Variants in SYNE1 observed in about 807,000 individuals in gnomAD.
SYNE1 encodes nesprin-1.
In SYNE1, 616 loss-of-function variants were observed where a neutral mutation model predicts 1,111.0. That is an observed-to-expected ratio of 0.55 (90% CI 0.52 to 0.59). SYNE1 has a LOEUF of 0.59. Among genes scored for constraint, SYNE1 ranks in the 20% least tolerant of loss-of-function variants. SYNE1 has a pLI of 0.00. For missense variants in SYNE1, 10,006 were observed against 10,417.0 expected, an observed-to-expected ratio of 0.96 and a Z score of 1.72; for synonymous variants, 3,855 against 3,825.8, an observed-to-expected ratio of 1.01 and a Z score of -0.28.
In SYNE1 at chr6:152,530,920, G is replaced by A. The variant is rs369556310; in HGVS notation, c.130-4745C>T. Among the ~76,000 whole-genome samples the A allele has an allele frequency of 4.8e-4, 73 of 152,116 alleles. 1 individual carries two copies. The highest frequency in any genetic ancestry group is 4.3e-3 in the East Asian group (22 of 5,146). On this transcript the variant is annotated intron_variant, in intron 4 of 145. Coordinates refer to ENST00000367255, the MANE Select transcript of SYNE1 (RefSeq NM_182961.4). ...TTACAGGCGTGAGCCACCACATCCC[G>A]CCGTGTGATGAAATCTTAAGCTGTC...
At chr6:152,156,703 T>C (rs1475537291) in intron 131 of SYNE1, among the ~76,000 whole-genome samples, 1 of 152,228 alleles carries the variant, frequency 6.6e-6, no homozygotes, top group Non-Finnish European at 1.5e-5. Context: ...AGATGCAAAT[T>C]GTTTTCCAAA....
intron 3 of SYNE1, among the ~76,000 whole-genome samples, chr6:152,605,859 A>C (rs1188576154): frequency 6.6e-6 from 1 of 152,152 alleles, no homozygotes; most frequent in Non-Finnish European, 1.5e-5. Context: ...GTATGTGTTC[A>C]TTAGAGTATT....
intron 4 of SYNE1, among the ~76,000 whole-genome samples, chr6:152,533,796 C>T: frequency 6.6e-6 from 1 of 152,226 alleles, no homozygotes; most frequent in Middle Eastern, 3.4e-3. Flanking sequence ...ACATTTTCAG[C>T]ACCTAGAATA....
intron 3 of SYNE1, among the ~76,000 whole-genome samples, chr6:152,588,213 T>A (rs1299886482): frequency 1.3e-5 from 2 of 152,070 alleles, no homozygotes; most frequent in Non-Finnish European, 2.9e-5. Context: ...TGGGCAGCAG[T>A]GAATAAAACA....
In SYNE1 at chr6:152,594,666, C is replaced by T. The variant is rs970245479; in HGVS notation, c.67+33599G>A. 2.0e-5 allele frequency among the ~76,000 whole-genome samples: 3 copies of T among 152,134 alleles called. No homozygotes were observed. The East Asian group carries it at 5.8e-4, about 29-fold the overall frequency. On this transcript the variant is annotated intron_variant, in intron 3 of 145. Transcript: ENST00000367255. Reference sequence around the variant, plus strand: ...ACAATTCATTAAAATAAATACGTCCCTTGATGTCACATCTCCCTCCAGCTA... The same window carrying T: ...ACAATTCATTAAAATAAATACGTCCTTTGATGTCACATCTCCCTCCAGCTA...
intron 106 of SYNE1, 48 bp from the exon 107 acceptor site, chr6:152,242,488 AC>A: frequency 6.2e-7 from 1 of 1,604,926 alleles, no homozygotes; most frequent in Non-Finnish European, 8.5e-7. Flanking sequence ...TATTCTGGCA[AC>A]CCTCTAAAAG....
chr6:152,364,686 G>GAGGAAGGAGGAAGGAAGGA (rs2097022658), intron 63 of SYNE1, among the ~76,000 whole-genome samples, 161 bp downstream of exon 63: 2 of 108,070 alleles, frequency 1.9e-5, no homozygotes, highest in South Asian at 3.5e-4. Flanking sequence ...AAGGAGGAAG[G>GAGGAAGGAGGAAGGAAGGA]AGGAAGGAAG....
chr6:152,460,768 C>CCTAGTTCT (rs2098727599), intron 21 of SYNE1, among the ~76,000 whole-genome samples: 1 of 149,656 alleles, frequency 6.7e-6, no homozygotes, highest in African/African-American at 2.5e-5. Flanking sequence ...CATCTAGTTC[C>CCTAGTTCT]CTGTACAGAA....
intron 9 of SYNE1, among the ~76,000 whole-genome samples, chr6:152,503,052 G>C (rs531608750): frequency 6.6e-6 from 1 of 152,230 alleles, no homozygotes; most frequent in East Asian, 1.9e-4. Flanking sequence ...GATACGGTAT[G>C]ATTCCTCATA....
intron 4 of SYNE1, among the ~76,000 whole-genome samples, chr6:152,529,530 TG>T (rs940646860): frequency 9.3e-4 from 142 of 152,178 alleles, no homozygotes; most frequent in Non-Finnish European, 1.8e-3. Flanking sequence ...GTCAGTGTGT[TG>T]GGGGCTCCCA....
chr6:152,197,244 A>AT lies in SYNE1; in HGVS notation c.23145+4579dup, dbSNP rs1450757428. Reference sequence around the variant, plus strand: ...ATCAGGTAATGTGATTGCTCACCTGATTTTTTATTCTTATGAAGGCGCTTT... The same window carrying AT: ...ATCAGGTAATGTGATTGCTCACCTGATTTTTTTATTCTTATGAAGGCGCTTT... On this transcript the variant is annotated intron_variant, in intron 127 of 145. Coordinates refer to ENST00000367255, the MANE Select transcript of SYNE1 (RefSeq NM_182961.4). 2.6e-5 allele frequency among the ~76,000 whole-genome samples: 4 copies of AT among 152,214 alleles called. No homozygotes were observed. In the East Asian group the frequency reaches 7.7e-4, roughly 29 times the overall value.
chr6:152,245,933 G>C (rs2086994406), intron 105 of SYNE1, among the ~76,000 whole-genome samples: 1 of 152,156 alleles, frequency 6.6e-6, no homozygotes, highest in Non-Finnish European at 1.5e-5. Context: ...GTGCTTGACT[G>C]AAAGCAAGGG....
chr6:152,191,235 T>C (rs1353091825), intron 127 of SYNE1, among the ~76,000 whole-genome samples: 1 of 33,158 alleles, frequency 3.0e-5, no homozygotes, highest in African/African-American at 3.6e-4. Flanking sequence ...TAATTTTCCT[T>C]TTTTTTTTTT....
chr6:152,500,814 G>A (rs1323079300), intron 10 of SYNE1, among the ~76,000 whole-genome samples: 2 of 151,928 alleles, frequency 1.3e-5, no homozygotes, highest in Non-Finnish European at 2.9e-5. Flanking sequence ...AGCCGGGCGT[G>A]GTGGCGGGCG....
At position 152,234,748 on chromosome 6, in the gene SYNE1, G is replaced by A. The variant is rs140903556; in HGVS notation, c.20449C>T (p.Arg6817Trp). Reference sequence around the variant, plus strand: ...GATTGCTGAGTCCAAAATTCTAGCCGGTCTTTTGCAGATTGTAACCAGTGA... The same window carrying A: ...GATTGCTGAGTCCAAAATTCTAGCCAGTCTTTTGCAGATTGTAACCAGTGA... ...LIHWLQSAKD[R>W]LEFWTQQSVT... The change falls in exon 111 of 146, where the codon CGG becomes TGG. Residue 6817 changes from arginine (R) to tryptophan (W), a missense_variant. Arg to Trp is a moderately radical substitution (Grantham distance 101). Around this residue, in one of 7 missense-constraint regions of SYNE1, gnomAD observed 2,182 missense variants for 2,287.8 expected, o/e 0.95. Transcript: ENST00000367255. 144 of 1,613,946 alleles carry A rather than the reference G, an allele frequency of 8.9e-5. No individual in the cohort carries two copies. Among genetic ancestry groups the A allele is most frequent in the Non-Finnish European group, 1.1e-4 (129 of 1,179,994 alleles).
chr6:152,240,044 A>C (rs761825198), intron 107 of SYNE1, among the ~76,000 whole-genome samples: 2 of 152,146 alleles, frequency 1.3e-5, no homozygotes, highest in South Asian at 4.1e-4. Context: ...GGTGGAGAGG[A>C]GTTCACACCA....
Position 152,203,368 on chromosome 6 carries a change from A to T in SYNE1, c.23020-1419T>A, listed in dbSNP as rs149140872. On this transcript the variant is annotated intron_variant, in intron 126 of 145. Coordinates refer to ENST00000367255, the MANE Select transcript of SYNE1 (RefSeq NM_182961.4). ...CTTAGTGCCAGTGAAAATTAATTTC[A>T]ACTAAACAAGTCTCCTTCATGTTGT... 2.7e-3 allele frequency among the ~76,000 whole-genome samples: 406 copies of T among 152,248 alleles called. 4 individuals carry two copies. The highest frequency in any genetic ancestry group is 9.0e-3 in the African/African-American group (374 of 41,532).
At chr6:152,315,892 A>C (rs2095704938) in intron 87 of SYNE1, 1 of 152,248 alleles carries the variant, frequency 6.6e-6, no homozygotes, top group Non-Finnish European at 1.5e-5. Flanking sequence ...CCAAAAATGG[A>C]AAAATGAGGC....
At chr6:152,276,878 CTTTTTTTTTTTT>C (rs539497198) in intron 98 of SYNE1, among the ~76,000 whole-genome samples, 6 of 102,164 alleles carry the variant, frequency 5.9e-5, no homozygotes, top group East Asian at 2.8e-4. Flanking sequence ...ACTCTGCACT[CTTTTTTTTTTTT>C]TTTTTTTTTT....
Sources: gnomAD v4.1 joint callset for allele counts (sites outside exome capture counted in the v4.1 genomes callset) on GRCh38, gnomAD v4.1.1 for gene constraint, gnomAD v4.1.1 regional missense constraint, MANE v1.5 for transcripts, NCBI Gene and HGNC (gene_info 2026-07-23, HGNC 2026-07-21) for gene names.